The following STPG2 variants were observed in gnomAD, a reference collection of about 807,000 sequenced individuals.
The protein encoded by STPG2 is sperm tail PG-rich repeat containing 2, also known as sperm-tail PG-rich repeat-containing protein 2.
Under a neutral mutation model 54.2 loss-of-function variants are expected in STPG2, and 56 were observed. That is an observed-to-expected ratio of 1.03 (90% CI 0.83 to 1.29). The LOEUF is 1.29. Among genes scored for constraint, STPG2 ranks in the 50% most tolerant of loss-of-function variants. The pLI, the probability that STPG2 is intolerant of heterozygous loss-of-function variation, is 0.00. For synonymous variants in STPG2, 200 were observed against 181.8 expected (o/e 1.10, Z -0.81); for missense variants, 596 against 544.9 (o/e 1.09, Z -0.93).
intron 4 of STPG2, among the ~76,000 whole-genome samples, chr4:97,481,765 CAT>C (rs1359414679): frequency 4.0e-5 from 6 of 151,428 alleles, no homozygotes; most frequent in Non-Finnish European, 7.4e-5. Flanking sequence ...TATTTTTCCA[CAT>C]AGACTTTTAT....
chr4:98,098,452 G>T (rs191375966), intron 5 of STPG2, among the ~76,000 whole-genome samples: 1 of 152,026 alleles, frequency 6.6e-6, no homozygotes, highest in South Asian at 2.1e-4. Context: ...TCTCTCTCTT[G>T]CCTTACACAA....
chr4:97,480,004 T>C (rs1477937942), intron 4 of STPG2, among the ~76,000 whole-genome samples: 2 of 151,754 alleles, frequency 1.3e-5, no homozygotes, highest in African/African-American at 4.8e-5. Flanking sequence ...ACACTTGTAA[T>C]AAAATATACT....
At chr4:97,876,920 T>C (rs1490504712) in intron 8 of STPG2, among the ~76,000 whole-genome samples, 3 of 152,216 alleles carry the variant, frequency 2.0e-5, no homozygotes, top group African/African-American at 7.2e-5. Context: ...GGTAAGATCT[T>C]CCATAAAAGA....
chr4:97,547,356 G>A (rs1731856077), intron 4 of STPG2, among the ~76,000 whole-genome samples: 2 of 151,974 alleles, frequency 1.3e-5, no homozygotes, highest in African/African-American at 2.4e-5. Flanking sequence ...GACTACAGAA[G>A]CCCGCCACCA....
chr4:97,737,255 T>G (rs926573229), intron 9 of STPG2, among the ~76,000 whole-genome samples: 4 of 151,984 alleles, frequency 2.6e-5, no homozygotes, highest in African/African-American at 9.7e-5. Flanking sequence ...ACCACAAAGA[T>G]GTGGAAAAAA....
intron 1 of STPG2, among the ~76,000 whole-genome samples, chr4:98,142,571 A>T (rs1012349031): frequency 2.0e-5 from 3 of 152,218 alleles, no homozygotes; most frequent in Admixed American, 2.0e-4. Context: ...TCTGTCTGAA[A>T]AAAAAACGGA....
intron 9 of STPG2, among the ~76,000 whole-genome samples, chr4:97,726,813 TACAC>T (rs746408517): frequency 7.1e-6 from 1 of 141,404 alleles, no homozygotes; most frequent in African/African-American, 3.0e-5. Context: ...AATACAAACA[TACAC>T]ACACACACAC....
chr4:97,748,427 T>C (rs1725485156), intron 9 of STPG2, among the ~76,000 whole-genome samples: 1 of 151,570 alleles, frequency 6.6e-6, no homozygotes, highest in African/African-American at 2.4e-5. Flanking sequence ...ATTGAATAGC[T>C]CACTGACTTA....
At chr4:97,646,040 A>G (rs1252066001) in intron 10 of STPG2, among the ~76,000 whole-genome samples, 3 of 152,084 alleles carry the variant, frequency 2.0e-5, no homozygotes, top group Non-Finnish European at 4.4e-5. Flanking sequence ...CAATGATCTG[A>G]TTCTTTCCAA....
chr4:97,923,924 A>T (rs1264625670), intron 8 of STPG2, among the ~76,000 whole-genome samples: 2 of 152,192 alleles, frequency 1.3e-5, no homozygotes, highest in Non-Finnish European at 2.9e-5. Flanking sequence ...AAAATGGGCC[A>T]ATCAGCAGGA....
At chr4:97,880,395 C>T (rs143076334) in intron 8 of STPG2, among the ~76,000 whole-genome samples, 2 of 152,052 alleles carry the variant, frequency 1.3e-5, no homozygotes, top group East Asian at 1.9e-4. Context: ...AATAGAAAGT[C>T]GTACAGAATG....
chr4:97,672,915 G>GGAAAAA (rs1232957467), intron 10 of STPG2, among the ~76,000 whole-genome samples: 1 of 152,196 alleles, frequency 6.6e-6, no homozygotes, highest in Non-Finnish European at 1.5e-5. Context: ...TTAAAATCAG[G>GGAAAAA]AAATCACTGG....
At chr4:97,835,729 G>C (rs1728613100) in intron 9 of STPG2, among the ~76,000 whole-genome samples, 1 of 152,036 alleles carries the variant, frequency 6.6e-6, no homozygotes, top group South Asian at 2.1e-4. Context: ...TTCTGGAAAG[G>C]CTATACCATT....
chr4:97,453,933 A>C (rs1729444343), intron 4 of STPG2, among the ~76,000 whole-genome samples: 1 of 152,128 alleles, frequency 6.6e-6, no homozygotes, highest in East Asian at 1.9e-4. Context: ...ATAAGGCTTT[A>C]TGTAGAGCAG....
At chr4:97,552,792 A>G (rs567475102) in intron 4 of STPG2, among the ~76,000 whole-genome samples, 1 of 152,298 alleles carries the variant, frequency 6.6e-6, no homozygotes, top group South Asian at 2.1e-4. Flanking sequence ...TGGAGCAAAT[A>G]CAAGAACACT....
At chr4:98,001,338 G>A (rs532436500) in intron 5 of STPG2, among the ~76,000 whole-genome samples, 1 of 151,468 alleles carries the variant, frequency 6.6e-6, no homozygotes, top group South Asian at 2.1e-4. Context: ...CTATCTAGTA[G>A]CAGTCAAGAT....
intron 4 of STPG2, among the ~76,000 whole-genome samples, chr4:97,530,345 G>T (rs570621957): frequency 5.3e-5 from 8 of 152,178 alleles, no homozygotes; most frequent in Non-Finnish European, 1.2e-4. Context: ...GAAAGCAAAG[G>T]TTATGCTGTA....
At chr4:97,604,351 C>T (rs139046664) in intron 10 of STPG2, among the ~76,000 whole-genome samples, 39 of 151,790 alleles carry the variant, frequency 2.6e-4, no homozygotes, top group African/African-American at 9.4e-4. Flanking sequence ...TATGTCTAAA[C>T]AGACAATTGA....
intron 10 of STPG2, among the ~76,000 whole-genome samples, chr4:97,622,461 T>C (rs967096755): frequency 6.6e-6 from 1 of 152,036 alleles, no homozygotes; most frequent in Non-Finnish European, 1.5e-5. Context: ...AAAAACAGCA[T>C]TCCTATACAC....
Sources: allele counts gnomAD v4.1 joint callset (sites outside exome capture counted in the v4.1 genomes callset), GRCh38; gene constraint gnomAD v4.1.1; transcripts MANE v1.5; gene names NCBI Gene and HGNC (gene_info 2026-07-23, HGNC 2026-07-21).